The following MYOF variants were observed in gnomAD, a reference collection of about 807,000 sequenced individuals.
MYOF encodes the protein myoferlin.
Under a neutral mutation model 284.2 loss-of-function variants are expected in MYOF, and 244 were observed. The ratio of observed to expected loss-of-function variants is 0.86; its 90% CI spans 0.77 to 0.95. The LOEUF is 0.95. MYOF is among the 40% of genes least tolerant of loss of function. The pLI, the probability that MYOF is intolerant of heterozygous loss-of-function variation, is 0.00. For synonymous variants in MYOF, 904 were observed against 919.7 expected, an observed-to-expected ratio of 0.98 and a Z score of 0.31; for missense variants, 2,496 against 2,560.6, an observed-to-expected ratio of 0.97 and a Z score of 0.54.
intron 32 of MYOF, 68 bp downstream of exon 32, chr10:93,353,743 C>T: frequency 1.5e-6 from 2 of 1,327,162 alleles, no homozygotes; most frequent in Middle Eastern, 2.2e-4. Context: ...AAAGCATTCA[C>T]TCGAAACACA....
In MYOF at chr10:93,316,341, G is replaced by A. The variant is rs1211528182; in HGVS notation, c.5698+373C>T. Among the ~76,000 whole-genome samples the A allele has an allele frequency of 5.9e-5, 9 of 152,042 alleles. No individual in the cohort carries two copies. In the East Asian group the frequency reaches 1.7e-3, roughly 30 times the overall value. ...CTAGGGACAGGAGAAATGGCGGGGG[G>A]GTTGGGGACCTTGGTAACTTGGGAA... On this transcript the variant is annotated intron_variant, in intron 50 of 53. Transcript: ENST00000359263.
intron 5 of MYOF, among the ~76,000 whole-genome samples, chr10:93,411,091 C>A (rs577820965): frequency 6.6e-6 from 1 of 152,266 alleles, no homozygotes; most frequent in Non-Finnish European, 1.5e-5. Context: ...GCCTTTAGCA[C>A]AGTATCTGGC....
intron 12 of MYOF, among the ~76,000 whole-genome samples, chr10:93,401,216 A>G (rs1170957493): frequency 2.0e-5 from 3 of 152,236 alleles, no homozygotes; most frequent in Non-Finnish European, 4.4e-5. Context: ...AACAAGGAAC[A>G]TGATCAGCAA....
intron 41 of MYOF, 77 bp from the exon 42 acceptor site, chr10:93,333,990 G>C: frequency 6.9e-7 from 1 of 1,440,872 alleles, no homozygotes; most frequent in Non-Finnish European, 9.4e-7. Context: ...CCCCTCCTCC[G>C]CCAGGGGTGT....
chr10:93,410,941 C>A (rs1243370683), intron 5 of MYOF, among the ~76,000 whole-genome samples: 1 of 152,186 alleles, frequency 6.6e-6, no homozygotes, highest in Non-Finnish European at 1.5e-5. Context: ...CAATCCACTC[C>A]CCACCCTCCA....
Position 93,306,950 on chromosome 10 carries a change from GC to G in MYOF, c.*12del, listed in dbSNP as rs1564603457. 6.2e-7 allele frequency: 1 copy of G among 1,611,652 alleles called. No homozygotes were observed. Among genetic ancestry groups the G allele is most frequent in the South Asian group, 1.1e-5 (1 of 90,888 alleles). Reference sequence around the variant, plus strand: ...ATTGCTGGATGACTCTTGAAATGAAGCCTTTGCCTTTGTTACACATTTGGCT... The same window carrying G: ...ATTGCTGGATGACTCTTGAAATGAAGCTTTGCCTTTGTTACACATTTGGCT... On this transcript the variant is annotated 3_prime_UTR_variant, in exon 54 of 54. Transcript: ENST00000359263.
chr10:93,402,856 T>G lies in MYOF; in HGVS notation c.874+4A>C, dbSNP rs564309641. 9 of 1,610,034 alleles carry G rather than the reference T, an allele frequency of 5.6e-6. No individual in the cohort carries two copies. The South Asian group carries it at 9.9e-5, about 18-fold the overall frequency. ...TTCATATTGATGGGGAGAACATTAC[T>G]TACCAGGTTCATCATAAACAAATCC... On this transcript the variant is annotated splice_donor_region_variant and intron_variant, in intron 10 of 53. Transcript: ENST00000359263.
At chr10:93,308,147 G>A (rs962088724) in intron 53 of MYOF, among the ~76,000 whole-genome samples, 21 of 151,340 alleles carry the variant, frequency 1.4e-4, no homozygotes, top group Non-Finnish European at 1.9e-4. Context: ...GGAGGCTGAG[G>A]CTGGAGAATC....
chr10:93,335,926 A>AGAAGG lies in MYOF; in HGVS notation c.4557_4558insCCTTC (p.Phe1520ProfsTer46). 1 of 1,613,920 alleles carries AGAAGG rather than the reference A, an allele frequency of 6.2e-7. No individual in the cohort carries two copies. Among genetic ancestry groups the AGAAGG allele is most frequent in the African/African-American group, 1.3e-5 (1 of 74,972 alleles). On this transcript the variant is annotated frameshift_variant, in exon 41 of 54. Coordinates refer to ENST00000359263, the MANE Select transcript of MYOF (RefSeq NM_013451.4). LOFTEE classifies it high-confidence loss of function. Reference sequence around the variant, plus strand: ...CCAACACACATCTTACTCACCTTAAACTCTCCAACCACAGAAGGATCTTCA... The same window carrying AGAAGG: ...CCAACACACATCTTACTCACCTTAAAGAAGGCTCTCCAACCACAGAAGGATCTTCA...
intron 1 of MYOF, among the ~76,000 whole-genome samples, chr10:93,473,243 A>G (rs1230107041): frequency 1.3e-5 from 2 of 152,238 alleles, no homozygotes; most frequent in Non-Finnish European, 2.9e-5. Context: ...GACAGGCTGC[A>G]GAGTTCATAC....
chr10:93,359,532 C>A (rs527428833), intron 29 of MYOF, among the ~76,000 whole-genome samples: 1 of 152,248 alleles, frequency 6.6e-6, no homozygotes, highest in Admixed American at 6.5e-5. Context: ...CATTTAACAC[C>A]TCTGTAGCAG....
At chr10:93,363,332 C>T (rs1845165999) in intron 27 of MYOF, among the ~76,000 whole-genome samples, 1 of 152,116 alleles carries the variant, frequency 6.6e-6, no homozygotes, top group Non-Finnish European at 1.5e-5. Flanking sequence ...TTTAATGCTG[C>T]TTGGATTTTT....
chr10:93,465,663 T>C (rs1188772373), intron 1 of MYOF, among the ~76,000 whole-genome samples: 11 of 152,102 alleles, frequency 7.2e-5, no homozygotes, highest in Admixed American at 5.9e-4. Flanking sequence ...TGTAGGCATG[T>C]GCCACCATGC....
intron 17 of MYOF, among the ~76,000 whole-genome samples, chr10:93,390,285 T>C (rs1253685404): frequency 6.6e-6 from 1 of 152,172 alleles, no homozygotes; most frequent in Non-Finnish European, 1.5e-5. Flanking sequence ...CATGTTTAAA[T>C]GGGCGTGTAC....
In MYOF at chr10:93,364,011, G is replaced by C. The variant is rs781172109; in HGVS notation, c.2818C>G (p.Arg940Gly). Reference sequence around the variant, plus strand: ...GGCTTCCAGTCGCCCCCGGGGTAGCGGCTCTCGTTCTGATAGACTTCATCA... The same window carrying C: ...GGCTTCCAGTCGCCCCCGGGGTAGCCGCTCTCGTTCTGATAGACTTCATCA... The part of the protein sequence containing the change: ...FTDEVYQNES[R>G]YPGGDWKPAE... Residue 940 changes from arginine to glycine, a missense_variant, in exon 27 of 54, where the codon CGC (arginine) becomes GGC (glycine). Arg to Gly is a moderately radical substitution (Grantham distance 125, BLOSUM62 -2). Transcript: ENST00000359263. 6.2e-7 allele frequency: 1 copy of C among 1,614,170 alleles called. No homozygotes were observed. Among genetic ancestry groups the C allele is most frequent in the South Asian group, 1.1e-5 (1 of 91,080 alleles).
intron 5 of MYOF, among the ~76,000 whole-genome samples, chr10:93,416,599 T>C (rs531692017): frequency 0.069 from 549 of 7,960 alleles, 1 homozygote; most frequent in African/African-American, 0.13. Flanking sequence ...TTGATCAGGC[T>C]TTTTTTTTTT....
chr10:93,434,552 G>A (rs1443927745), intron 3 of MYOF, among the ~76,000 whole-genome samples: 1 of 151,944 alleles, frequency 6.6e-6, no homozygotes, highest in African/African-American at 2.4e-5. Context: ...TTAATTCTCA[G>A]TCAATGCTGA....
At chr10:93,420,216 G>A (rs1589539800) in intron 5 of MYOF, among the ~76,000 whole-genome samples, 1 of 152,312 alleles carries the variant, frequency 6.6e-6, no homozygotes, top group Non-Finnish European at 1.5e-5. Context: ...GTCTATGTTT[G>A]GACAGAGCGC....
At chr10:93,315,470 G>A (rs866724217) in intron 50 of MYOF, among the ~76,000 whole-genome samples, 4 of 152,188 alleles carry the variant, frequency 2.6e-5, no homozygotes, top group South Asian at 2.1e-4. Flanking sequence ...TTTCGCCTGG[G>A]TGGCTGGGGA....
Sources: gnomAD v4.1 joint callset for allele counts (sites outside exome capture counted in the v4.1 genomes callset) on GRCh38, gnomAD v4.1.1 for gene constraint, MANE v1.5 for transcripts, NCBI Gene and HGNC (gene_info 2026-07-23, HGNC 2026-07-21) for gene names.